The following CETP variants were observed in gnomAD, a reference collection of about 807,000 sequenced individuals.
CETP encodes the protein BPI fold containing family F.
A neutral mutation model predicts 66.5 loss-of-function variants in CETP; 56 were observed. The observed-to-expected ratio is 0.84, with a 90% confidence interval of 0.68 to 1.05. CETP has a LOEUF of 1.05. Ranked by LOEUF, CETP falls within the 50% of genes least tolerant of loss-of-function variation. CETP has a pLI of 0.00. For synonymous variants in CETP, 251 were observed against 245.7 expected (o/e 1.02, Z -0.20); for missense variants, 612 against 609.6 (o/e 1.00, Z -0.04).
At position 56,962,051 on chromosome 16, in the gene CETP, C is replaced by T. The variant is rs148628525; in HGVS notation, c.72C>T (p.His24=). 110 of 1,614,156 alleles carry T rather than the reference C, an allele frequency of 6.8e-5. 2 individuals carry two copies. The East Asian group carries it at 9.8e-4, about 14-fold the overall frequency. Residue 24 remains histidine, a synonymous_variant, in exon 1 of 16, where the codon CAC becomes CAT. Transcript: ENST00000200676. ...ATGCCTGCTCCAAAGGCACCTCGCA[C>T]GAGGCAGGCATCGTGTGCCGCATCA... ...NAHACSKGTS[H]EAGIVCRITK...
rs2056025738 is a variant in CETP at position 56,961,977 on chromosome 16, A to G, written c.-3A>G. ...GCCACTTACACACCACTGCCTGATA[A>G]CCATGCTGGCTGCCACAGTCCTGAC... is the stretch of plus-strand genomic sequence containing the variant. On this transcript the variant is annotated 5_prime_UTR_variant, in exon 1 of 16. Transcript: ENST00000200676. The G allele has an allele frequency of 6.2e-7, 1 of 1,613,280 alleles. No individual in the cohort carries two copies. Among genetic ancestry groups the G allele is most frequent in the African/African-American group, 1.3e-5 (1 of 74,882 alleles).
rs1800774 is a variant in CETP at position 56,981,633 on chromosome 16, C to T, written c.1215-14C>T. On this transcript the variant is annotated splice_polypyrimidine_tract_variant and intron_variant, in intron 12 of 15. Coordinates refer to ENST00000200676, the MANE Select transcript of CETP (RefSeq NM_000078.3). ...CCAATGGAGGGTCAAATTATCATCG[C>T]TTTTTTATTTCAGGATTACACCAAA... 546,329 of 1,610,056 alleles carry T rather than the reference C, an allele frequency of 0.34. 95,517 individuals carry two copies. Among genetic ancestry groups the T allele is most frequent in the Non-Finnish European group, 0.36 (421,369 of 1,176,428 alleles).
rs2056089216 is a variant in CETP, at chr16:56,969,138, C to A, written c.234-248C>A. Among the ~76,000 whole-genome samples the A allele has an allele frequency of 2.0e-5, 3 of 152,054 alleles. No individual in the cohort carries two copies. The South Asian group carries it at 6.2e-4, about 32-fold the overall frequency. ...GATTGTATTGGGACCACCCAGATAA[C>A]CTAGGATCATCTCCCCACCTACCCC... On this transcript the variant is annotated intron_variant, in intron 2 of 15. Coordinates refer to ENST00000200676, the MANE Select transcript of CETP (RefSeq NM_000078.3).
chr16:56,964,901 C>G (rs1297159395), intron 2 of CETP, among the ~76,000 whole-genome samples: 1 of 152,110 alleles, frequency 6.6e-6, no homozygotes, highest in Non-Finnish European at 1.5e-5. Flanking sequence ...TTTGGGAGGC[C>G]GAGGTAGGAG....
intron 11 of CETP, 119 bp from the exon 12 acceptor site, chr16:56,981,039 C>T (rs2056183263): frequency 8.7e-6 from 7 of 802,464 alleles, no homozygotes; most frequent in African/African-American, 1.7e-5. Flanking sequence ...GCCTGGTTCC[C>T]GTGTCATCCT....
intron 10 of CETP, among the ~76,000 whole-genome samples, chr16:56,976,429 T>C (rs1283425971): frequency 6.6e-6 from 1 of 152,202 alleles, no homozygotes; most frequent in Non-Finnish European, 1.5e-5. Context: ...TAGTTGAAAG[T>C]TGACGAGGTC....
chr16:56,969,911 C>T lies in CETP; in HGVS notation c.440-3C>T, dbSNP rs754054236. ...CCTGAGGTCATGTCGGGTCTCCCTG[C>T]AGCCTGTGACTCTGGTAGAGTGCGG... On this transcript the variant is annotated splice_polypyrimidine_tract_variant and splice_region_variant and intron_variant, in intron 4 of 15. Transcript: ENST00000200676. 7 of 1,613,924 alleles carry T rather than the reference C, an allele frequency of 4.3e-6. No homozygotes were observed. Among genetic ancestry groups the T allele is most frequent in the Non-Finnish European group, 1.7e-6 (2 of 1,179,888 alleles).
chr16:56,975,889 C>T (rs1036071297), intron 10 of CETP, among the ~76,000 whole-genome samples: 3 of 152,172 alleles, frequency 2.0e-5, no homozygotes, highest in African/African-American at 2.4e-5. Context: ...TTCCCCCCCA[C>T]GTCGCTGCTC....
rs1209112476 is a variant in CETP at position 56,975,133 on chromosome 16, C to T, written c.963C>T (p.Asn321=). The T allele has an allele frequency of 6.2e-7, 1 of 1,614,052 alleles. No individual in the cohort carries two copies. The change falls in exon 10 of 16, where the codon AAC becomes AAT. Residue 321 remains asparagine (N), a synonymous_variant. Coordinates refer to ENST00000200676, the MANE Select transcript of CETP (RefSeq NM_000078.3). Reference sequence around the variant, plus strand: ...TGGAGACCTGGGGCTTCAACACCAACCAGGAAATCTTCCAAGAGGTAACTG... The same window carrying T: ...TGGAGACCTGGGGCTTCAACACCAATCAGGAAATCTTCCAAGAGGTAACTG... ...AVLETWGFNT[N]QEIFQEVVGG...
chr16:56,975,312 T>C (rs1329505407), intron 10 of CETP, among the ~76,000 whole-genome samples, 161 bp downstream of exon 10: 1 of 152,186 alleles, frequency 6.6e-6, no homozygotes, highest in Non-Finnish European at 1.5e-5. Flanking sequence ...GCACTTAGTG[T>C]GTGTGACTTC....
intron 14 of CETP, among the ~76,000 whole-genome samples, chr16:56,982,711 G>T (rs1471279661): frequency 6.6e-6 from 1 of 152,172 alleles, no homozygotes; most frequent in East Asian, 1.9e-4. Flanking sequence ...CATAGCACAC[G>T]TGTGCTGGGG....
intron 5 of CETP, among the ~76,000 whole-genome samples, chr16:56,970,515 A>C (rs139040281): frequency 6.8e-4 from 103 of 152,370 alleles, no homozygotes; most frequent in Non-Finnish European, 1.3e-3. Context: ...CTCTGACCCC[A>C]GAAGCTGAGT....
intron 11 of CETP, among the ~76,000 whole-genome samples, chr16:56,980,515 C>G (rs1299057046): frequency 6.6e-6 from 1 of 152,194 alleles, no homozygotes; most frequent in African/African-American, 2.4e-5. Flanking sequence ...TATTACTTTC[C>G]TTTTCATTTT....
chr16:56,973,532 G>A (rs1274627923), intron 9 of CETP, 22 bp downstream of exon 9: 3 of 1,613,638 alleles, frequency 1.9e-6, no homozygotes, highest in African/African-American at 2.7e-5. Context: ...GGGCTGGGCT[G>A]CTAGGGGATC....
chr16:56,983,799 C>A lies in CETP; in HGVS notation c.*133C>A. 1.2e-6 allele frequency: 1 copy of A among 824,176 alleles called. No homozygotes were observed. Among genetic ancestry groups the A allele is most frequent in the East Asian group, 2.5e-5 (1 of 40,036 alleles). The allele number at this position is 824,176 out of a possible 1,614,324, so 51.1% of individuals were successfully genotyped here. On this transcript the variant is annotated 3_prime_UTR_variant, in exon 16 of 16. Coordinates refer to ENST00000200676, the MANE Select transcript of CETP (RefSeq NM_000078.3). ...CGGAGATGGAGATTGGCTCCCAACTCCTCCCTATCCTAAAGGCCCACTGGC... is the reference window on the plus strand; with the variant it reads ...CGGAGATGGAGATTGGCTCCCAACTACTCCCTATCCTAAAGGCCCACTGGC...
In CETP at chr16:56,963,107, C is replaced by G. The variant is rs750412877; in HGVS notation, c.216C>G (p.Val72=). The part of the protein sequence containing the change: ...GEKAMMLLGQ[V]KYGLHNIQIS... ...AGGCCATGATGCTCCTTGGCCAAGT[C>G]AAGTATGGGTTGCACAAGTGAGTCG... The change falls in exon 2 of 16, where the codon GTC becomes GTG. Residue 72 remains valine (V), a synonymous_variant. Coordinates refer to ENST00000200676, the MANE Select transcript of CETP (RefSeq NM_000078.3). The G allele has an allele frequency of 6.2e-7, 1 of 1,613,476 alleles. No homozygotes were observed. The highest frequency in any genetic ancestry group is 8.5e-7 in the Non-Finnish European group (1 of 1,179,816).
intron 2 of CETP, among the ~76,000 whole-genome samples, chr16:56,966,019 C>G (rs1359811016): frequency 6.6e-6 from 1 of 152,222 alleles, no homozygotes; most frequent in Non-Finnish European, 1.5e-5. Context: ...CACCCTCCAT[C>G]TGGTGTCACC....
At position 56,973,917 on chromosome 16, in the gene CETP, G is replaced by T. The variant is rs2056131772; in HGVS notation, c.930+407G>T. On this transcript the variant is annotated intron_variant, in intron 9 of 15. Transcript: ENST00000200676. ...GCAAGTAGCAGGTACGTGACTGGGG[G>T]CTGCATGCACCGGTAATCAGAACGA... Among the ~76,000 whole-genome samples, 4 of 152,206 alleles carry T rather than the reference G, an allele frequency of 2.6e-5. No homozygotes were observed. In the South Asian group the frequency reaches 8.3e-4, roughly 31 times the overall value.
chr16:56,981,533 G>A (rs1213883078), intron 12 of CETP, 114 bp from the exon 13 acceptor site: 1 of 1,261,914 alleles, frequency 7.9e-7, no homozygotes, highest in East Asian at 2.3e-5. Flanking sequence ...TGCCCCAAAG[G>A]GCCTGAGCTA....
Sources: gnomAD v4.1 joint callset for allele counts (sites outside exome capture counted in the v4.1 genomes callset) on GRCh38, gnomAD v4.1.1 for gene constraint, MANE v1.5 for transcripts, NCBI Gene and HGNC (gene_info 2026-07-23, HGNC 2026-07-21) for gene names.